Variants in MRO observed in about 807,000 individuals in gnomAD.
MRO encodes the protein maestro.
Under a neutral mutation model 31.0 loss-of-function variants are expected in MRO, and 28 were observed. That is an observed-to-expected ratio of 0.90 (90% confidence interval 0.67 to 1.24). MRO has a LOEUF of 1.24. Among genes scored for constraint, MRO ranks in the 50% most tolerant of loss-of-function variants. The pLI, the probability that MRO is intolerant of heterozygous loss-of-function variation, is 0.00. For missense variants in MRO, 332 were observed against 289.2 expected (o/e 1.15, Z -1.07); for synonymous variants, 108 against 108.4 (o/e 1.00, Z 0.02).
chr18:50,802,097 C>T (rs148406807), intron 5 of MRO, among the ~76,000 whole-genome samples: 30 of 152,328 alleles, frequency 2.0e-4, no homozygotes, highest in African/African-American at 7.2e-4. Context: ...TACATCAATA[C>T]ATAAAAGAGT....
rs956626854 is a variant in MRO, at chr18:50,819,623, C to A, written c.-47G>T. The A allele has an allele frequency of 1.7e-5, 27 of 1,551,476 alleles. 1 individual carries two copies. The Admixed American group carries it at 5.1e-4, about 29-fold the overall frequency. ...GGCTGCCACGTGATGAACCGGAGCCCGTTCCTGACTCGGGAGGGCTGCTTT... is the reference window on the plus strand; with the variant it reads ...GGCTGCCACGTGATGAACCGGAGCCAGTTCCTGACTCGGGAGGGCTGCTTT... On this transcript the variant is annotated 5_prime_UTR_variant, in exon 2 of 8. Transcript: ENST00000398439.
Position 50,799,632 on chromosome 18 carries a change from C to T in MRO, c.694-242G>A, listed in dbSNP as rs181117056. 3.8e-3 allele frequency among the ~76,000 whole-genome samples: 573 copies of T among 152,198 alleles called. 7 individuals carry two copies. The highest frequency in any genetic ancestry group is 0.013 in the African/African-American group (541 of 41,514). ...ACAATCAAAACACAGTTGGCTTGGC[C>T]GGGCATGCTGACTCATGCCTGTAAT... On this transcript the variant is annotated intron_variant, in intron 7 of 7. Coordinates refer to ENST00000398439, the MANE Select transcript of MRO (RefSeq NM_031939.6).
At chr18:50,814,548 C>T (rs1213046380) in intron 2 of MRO, 1 of 201,762 alleles carries the variant, frequency 5.0e-6, no homozygotes, top group Non-Finnish European at 1.1e-5. Flanking sequence ...ATCTCGGGGG[C>T]CTTGGTTTTG....
At chr18:50,809,248 C>T in intron 3 of MRO, 54 bp downstream of exon 3, 10 of 1,373,786 alleles carry the variant, frequency 7.3e-6, no homozygotes, top group Non-Finnish European at 7.1e-6. Flanking sequence ...AAACATACAT[C>T]TTACAAAACA....
chr18:50,801,263 C>A (rs375753420), intron 6 of MRO, 86 bp downstream of exon 6: 44 of 1,247,036 alleles, frequency 3.5e-5, no homozygotes, highest in Non-Finnish European at 4.3e-5. Flanking sequence ...CTGGCAGGAA[C>A]CCTAGGGTCT....
intron 2 of MRO, among the ~76,000 whole-genome samples, chr18:50,812,006 G>T (rs1212871322): frequency 1.3e-5 from 2 of 152,100 alleles, no homozygotes; most frequent in Non-Finnish European, 2.9e-5. Context: ...CCTCCCAAGT[G>T]TCAGGATTAC....
In MRO at chr18:50,795,433, A is replaced by G. The variant is rs1912710629; in HGVS notation, c.*3904T>C. On this transcript the variant is annotated 3_prime_UTR_variant, in exon 8 of 8. Transcript: ENST00000398439. ...TTCTGTACAACACTAACTGCTAGCT[A>G]CCCTACACAGCTGTTGTTTCTCGCT... 2 of 152,202 alleles carry G rather than the reference A, an allele frequency of 1.3e-5. No homozygotes were observed. The highest frequency in any genetic ancestry group is 1.3e-4 in the Admixed American group (2 of 15,280). 9.4% of individuals were successfully genotyped at this position (152,202 alleles called of 1,614,324 possible).
At chr18:50,802,832 T>C (rs1429052410) in intron 5 of MRO, among the ~76,000 whole-genome samples, 1 of 152,024 alleles carries the variant, frequency 6.6e-6, no homozygotes, top group East Asian at 1.9e-4. Flanking sequence ...GTAGCTGGGA[T>C]TACAGGCACA....
At chr18:50,819,403 T>C in intron 2 of MRO, 178 bp downstream of exon 2, 1 of 983,938 alleles carries the variant, frequency 1.0e-6, no homozygotes, top group Non-Finnish European at 1.2e-6. Flanking sequence ...AAAATCAGCT[T>C]CCTGGTCAAC....
chr18:50,814,164 G>C (rs564334499), intron 2 of MRO, among the ~76,000 whole-genome samples: 1 of 151,920 alleles, frequency 6.6e-6, no homozygotes, highest in South Asian at 2.1e-4. Context: ...ACTAAAAGAC[G>C]TAAAACTCCT....
At chr18:50,805,418 A>G (rs1913829309) in intron 4 of MRO, 82 bp from the exon 5 acceptor site, 1 of 1,119,678 alleles carries the variant, frequency 8.9e-7, no homozygotes. Flanking sequence ...CTAAGCTACT[A>G]ATAACCTAGG....
At chr18:50,824,504 G>T (rs966967816), upstream of MRO, among the ~76,000 whole-genome samples, 22 of 149,600 alleles carry the variant, frequency 1.5e-4, no homozygotes, top group Admixed American at 1.3e-3. Context: ...GCATAGACTG[G>T]AGTGCAATAT....
In MRO at chr18:50,798,029, A is replaced by G. The variant is rs1168646304; in HGVS notation, c.*1308T>C. On this transcript the variant is annotated 3_prime_UTR_variant, in exon 8 of 8. Transcript: ENST00000398439. ...TTCCTCATTCTCAGAATGCCACTTA[A>G]GATCCAGCTATAGCTTTTATAATCC... is the stretch of plus-strand genomic sequence containing the variant. The G allele has an allele frequency of 1.3e-5, 2 of 152,434 alleles. No individual in the cohort carries two copies. Among genetic ancestry groups the G allele is most frequent in the Middle Eastern group, 3.4e-3 (1 of 294 alleles). 9.4% of individuals were successfully genotyped at this position (152,434 alleles called of 1,614,324 possible).
intron 7 of MRO, 52 bp from the exon 8 acceptor site, chr18:50,799,442 T>C (rs1469803735): frequency 6.7e-7 from 1 of 1,501,344 alleles, no homozygotes; most frequent in South Asian, 1.1e-5. Context: ...ACAAACTTCC[T>C]TGACAATGTA....
upstream of MRO, among the ~76,000 whole-genome samples, chr18:50,822,775 T>C (rs114508000): frequency 1.3e-3 from 183 of 136,900 alleles, 2 homozygotes; most frequent in African/African-American, 4.7e-3. Context: ...GCCACCTCCT[T>C]AGCCACAGGT....
At chr18:50,822,881 A>T (rs1324858831), upstream of MRO, among the ~76,000 whole-genome samples, 1 of 151,694 alleles carries the variant, frequency 6.6e-6, no homozygotes, top group Middle Eastern at 3.2e-3. Flanking sequence ...TGGGACCAAC[A>T]CTCGGACTGC....
At chr18:50,819,361 T>A in intron 2 of MRO, 3 of 855,840 alleles carry the variant, frequency 3.5e-6, no homozygotes, top group Non-Finnish European at 4.2e-6. Context: ...ACCCAACTAT[T>A]GATCGATTAA....
chr18:50,824,422 T>TA (rs1037574552), upstream of MRO, among the ~76,000 whole-genome samples: 8 of 151,440 alleles, frequency 5.3e-5, no homozygotes, highest in South Asian at 2.1e-4. Context: ...GCCTGGGTGA[T>TA]AGAGCAAGAC....
intron 4 of MRO, among the ~76,000 whole-genome samples, chr18:50,806,267 G>A (rs1568129001): frequency 6.6e-6 from 1 of 152,134 alleles, no homozygotes; most frequent in African/African-American, 2.4e-5. Context: ...ACAGGAGGAG[G>A]CGACACCCTC....
Sources: gnomAD v4.1 joint callset for allele counts (sites outside exome capture counted in the v4.1 genomes callset) on GRCh38, gnomAD v4.1.1 for gene constraint, MANE v1.5 for transcripts, NCBI Gene and HGNC (gene_info 2026-07-23, HGNC 2026-07-21) for gene names.